Variants in FBXL7 observed in about 807,000 individuals in gnomAD.
The protein encoded by FBXL7 is F-box/LRR-repeat protein 7.
FBXL7 carries 12 observed loss-of-function variants against 38.3 expected under a neutral mutation model. The ratio of observed to expected loss-of-function variants is 0.31; its 90% CI spans 0.20 to 0.51. The LOEUF (loss-of-function observed/expected upper bound fraction) is 0.51, where lower values mean the gene tolerates loss of function less well. FBXL7 is among the 20% of genes least tolerant of loss of function. FBXL7 has a pLI of 0.98. For missense variants in FBXL7, 567 were observed against 676.4 expected (o/e 0.84, Z 1.79); for synonymous variants, 297 against 300.9 (o/e 0.99, Z 0.13).
At chr5:15,791,977 A>T (rs1221410509) in intron 2 of FBXL7, among the ~76,000 whole-genome samples, 2 of 152,186 alleles carry the variant, frequency 1.3e-5, no homozygotes, top group Non-Finnish European at 2.9e-5. Context: ...CGTGAAAAAC[A>T]TCCATTTAAT....
intron 2 of FBXL7, among the ~76,000 whole-genome samples, chr5:15,778,473 A>G (rs533166076): frequency 4.6e-5 from 7 of 152,248 alleles, no homozygotes; most frequent in African/African-American, 1.7e-4. Context: ...ACTGTTGCCT[A>G]GGCACCCTCT....
chr5:15,798,093 G>A, intron 2 of FBXL7, among the ~76,000 whole-genome samples: 1 of 152,168 alleles, frequency 6.6e-6, no homozygotes, highest in East Asian at 1.9e-4. Context: ...CATATTAAGA[G>A]CATTGGTGCC....
At chr5:15,856,741 C>CT (rs924993364) in intron 2 of FBXL7, among the ~76,000 whole-genome samples, 2 of 151,608 alleles carry the variant, frequency 1.3e-5, no homozygotes, top group South Asian at 2.1e-4. Context: ...TCCTTCCTTC[C>CT]TTTTTTTTCT....
At chr5:15,732,330 T>G (rs75698494) in intron 2 of FBXL7, among the ~76,000 whole-genome samples, 3,007 of 152,288 alleles carry the variant, frequency 0.02, 50 homozygotes, top group Non-Finnish European at 0.033. Context: ...AGAAGCTTGA[T>G]CCACACAAAA....
chr5:15,655,271 G>C (rs982329940), intron 2 of FBXL7, among the ~76,000 whole-genome samples: 1 of 152,140 alleles, frequency 6.6e-6, no homozygotes, highest in African/African-American at 2.4e-5. Flanking sequence ...CGTGGCGGGT[G>C]AATCACTTGA....
chr5:15,612,206 C>T (rs2964270), intron 1 of FBXL7, among the ~76,000 whole-genome samples: 71,156 of 151,592 alleles, frequency 0.47, 17,588 homozygotes, highest in African/African-American at 0.63. Flanking sequence ...TGCGATTTCA[C>T]TGGGGGTGGG....
chr5:15,551,583 T>A (rs910681702), intron 1 of FBXL7, among the ~76,000 whole-genome samples: 1 of 152,250 alleles, frequency 6.6e-6, no homozygotes, highest in Non-Finnish European at 1.5e-5. Flanking sequence ...TGGACACTCC[T>A]GGTTGGGACT....
Position 15,937,496 on chromosome 5 carries a change from C to A in FBXL7, c.*310C>A, listed in dbSNP as rs1742230290. The A allele has an allele frequency of 1.1e-5, 3 of 277,196 alleles. No homozygotes were observed. The highest frequency in any genetic ancestry group is 4.4e-5 in the African/African-American group (2 of 45,634). The allele number at this position is 277,196 out of a possible 1,614,324, so 17.2% of individuals were successfully genotyped here. A position where few individuals can be genotyped will look rare whatever the true frequency, so the allele number is the denominator to read the frequency against. The stretch of plus-strand genomic sequence containing the variant: ...GCGCTTACTCTCCTCCGCTCAGGCC[C>A]CCAAGGCCGCCCTTTCCCTCGCACA... On this transcript the variant is annotated 3_prime_UTR_variant, in exon 4 of 4. Transcript: ENST00000504595.
At chr5:15,512,295 C>T (rs977068051) in intron 1 of FBXL7, among the ~76,000 whole-genome samples, 6 of 152,144 alleles carry the variant, frequency 3.9e-5, no homozygotes, top group Non-Finnish European at 8.8e-5. Context: ...CTTTACTTTC[C>T]ATTCACTATC....
At chr5:15,838,787 G>A (rs1395826941) in intron 2 of FBXL7, among the ~76,000 whole-genome samples, 1 of 151,902 alleles carries the variant, frequency 6.6e-6, no homozygotes, top group Non-Finnish European at 1.5e-5. Context: ...TCTTCCCTGG[G>A]GAGTCTCCCT....
intron 2 of FBXL7, among the ~76,000 whole-genome samples, chr5:15,716,832 A>G (rs900319595): frequency 6.6e-6 from 1 of 152,208 alleles, no homozygotes; most frequent in Non-Finnish European, 1.5e-5. Context: ...ACATTAAGAA[A>G]TATCTTAGTG....
At chr5:15,812,001 G>T (rs1737874483) in intron 2 of FBXL7, among the ~76,000 whole-genome samples, 1 of 152,048 alleles carries the variant, frequency 6.6e-6, no homozygotes, top group African/African-American at 2.4e-5. Context: ...ATACCCAAAG[G>T]ATTATAAATC....
At chr5:15,503,290 G>A (rs554608406) in intron 1 of FBXL7, among the ~76,000 whole-genome samples, 23 of 152,152 alleles carry the variant, frequency 1.5e-4, no homozygotes, top group African/African-American at 1.9e-4. Flanking sequence ...GCGTGGTGGC[G>A]CATGCCTGTA....
At chr5:15,683,352 A>T (rs1304852473) in intron 2 of FBXL7, among the ~76,000 whole-genome samples, 1 of 152,184 alleles carries the variant, frequency 6.6e-6, no homozygotes, top group Non-Finnish European at 1.5e-5. Flanking sequence ...GCTGGACTGT[A>T]TGAGGGCTGA....
At chr5:15,842,763 G>C (rs780253200) in intron 2 of FBXL7, among the ~76,000 whole-genome samples, 4 of 152,138 alleles carry the variant, frequency 2.6e-5, no homozygotes, top group Non-Finnish European at 5.9e-5. Flanking sequence ...ACAAGCTCTT[G>C]TTTGCCACTA....
intron 2 of FBXL7, among the ~76,000 whole-genome samples, chr5:15,702,624 T>G (rs1743564491): frequency 6.6e-6 from 1 of 152,196 alleles, no homozygotes; most frequent in African/African-American, 2.4e-5. Context: ...AAAAATAAAA[T>G]TACCTGAAGT....
chr5:15,670,126 A>G (rs941511812), intron 2 of FBXL7, among the ~76,000 whole-genome samples: 1 of 152,186 alleles, frequency 6.6e-6, no homozygotes, highest in South Asian at 2.1e-4. Context: ...TTACTACAGC[A>G]TTACCTTGGT....
intron 1 of FBXL7, among the ~76,000 whole-genome samples, chr5:15,550,969 G>T (rs541681626): frequency 2.9e-4 from 44 of 152,296 alleles, no homozygotes; most frequent in Admixed American, 7.8e-4. Context: ...ATCTAAATCT[G>T]GGCTTTTGGC....
chr5:15,882,323 C>G (rs1199709348), intron 2 of FBXL7, among the ~76,000 whole-genome samples: 2 of 152,154 alleles, frequency 1.3e-5, no homozygotes, highest in East Asian at 1.9e-4. Flanking sequence ...AAGAAGCTGT[C>G]AGGAAGTGGT....
Sources: allele counts gnomAD v4.1 joint callset (sites outside exome capture counted in the v4.1 genomes callset), GRCh38; gene constraint gnomAD v4.1.1; transcripts MANE v1.5; gene names NCBI Gene and HGNC (gene_info 2026-07-23, HGNC 2026-07-21).